The following PAQR5 variants were observed in gnomAD, a reference collection of about 807,000 sequenced individuals.
PAQR5 encodes the protein membrane progestin receptor gamma.
Under a neutral mutation model 34.5 loss-of-function variants are expected in PAQR5, and 20 were observed. The observed-to-expected ratio is 0.58, with a 90% confidence interval of 0.41 to 0.84. The LOEUF is 0.84. PAQR5 is among the 40% of genes least tolerant of loss of function. The pLI is 0.00. For synonymous variants in PAQR5, 131 were observed against 155.6 expected (o/e 0.84, Z 1.18); for missense variants, 378 against 412.7 (o/e 0.92, Z 0.73).
intron 2 of PAQR5, among the ~76,000 whole-genome samples, chr15:69,358,211 C>A (rs1337236368): frequency 6.6e-6 from 1 of 152,074 alleles, no homozygotes; most frequent in Admixed American, 6.6e-5. Context: ...GTTGCAAGGG[C>A]TCTGGGTCTC....
intron 6 of PAQR5, among the ~76,000 whole-genome samples, chr15:69,392,638 C>G (rs1170165871): frequency 2.6e-5 from 4 of 152,146 alleles, no homozygotes; most frequent in Admixed American, 2.0e-4. Flanking sequence ...ACTGCAGATG[C>G]CCCCAGAGGT....
intron 1 of PAQR5, among the ~76,000 whole-genome samples, chr15:69,309,382 G>T (rs2053782525): frequency 5.9e-5 from 9 of 152,200 alleles, no homozygotes; most frequent in Admixed American, 5.9e-4. Flanking sequence ...GGACTGAGAA[G>T]TGCCTGGGGA....
chr15:69,314,199 T>C (rs1161216522), intron 1 of PAQR5, among the ~76,000 whole-genome samples: 1 of 151,842 alleles, frequency 6.6e-6, no homozygotes. Flanking sequence ...TTTTACAAAT[T>C]GTAAGTGGAA....
chr15:69,394,857 C>T (rs1319850697), intron 6 of PAQR5, among the ~76,000 whole-genome samples: 2 of 152,248 alleles, frequency 1.3e-5, no homozygotes, highest in Non-Finnish European at 2.9e-5. Context: ...GCCCTTCTGC[C>T]TTTTTCTCTC....
chr15:69,335,976 A>G (rs1324759963), intron 1 of PAQR5, among the ~76,000 whole-genome samples: 1 of 152,310 alleles, frequency 6.6e-6, no homozygotes, highest in East Asian at 1.9e-4. Flanking sequence ...TTTTTATGTA[A>G]TGTTAAAAGA....
chr15:69,341,743 G>T (rs913776479), intron 2 of PAQR5, among the ~76,000 whole-genome samples: 1 of 151,986 alleles, frequency 6.6e-6, no homozygotes, highest in African/African-American at 2.4e-5. Context: ...TCAGGAGTTT[G>T]AGACCAGCCT....
intron 6 of PAQR5, chr15:69,391,711 C>T (rs7182493): frequency 0.068 from 31,090 of 455,674 alleles, 2,873 homozygotes; most frequent in African/African-American, 0.29. Context: ...GAGAGTACCA[C>T]AGGTTGAGGG....
At chr15:69,379,503 C>T (rs1323487323) in intron 3 of PAQR5, 1 of 985,204 alleles carries the variant, frequency 1.0e-6, no homozygotes. Flanking sequence ...CCAGCTCAGA[C>T]AGACAGCATC....
chr15:69,364,435 A>AATAT (rs775777356), intron 3 of PAQR5, among the ~76,000 whole-genome samples: 4 of 133,066 alleles, frequency 3.0e-5, no homozygotes, highest in Non-Finnish European at 4.6e-5. Flanking sequence ...AAACAAAACA[A>AATAT]ATATATATAT....
chr15:69,380,914 T>C (rs2041777847), intron 4 of PAQR5, among the ~76,000 whole-genome samples: 2 of 151,574 alleles, frequency 1.3e-5, no homozygotes, highest in African/African-American at 2.4e-5. Flanking sequence ...GTGCCATGAG[T>C]GGAGATGGGC....
chr15:69,377,494 C>G (rs1450518891), intron 3 of PAQR5, among the ~76,000 whole-genome samples: 1 of 152,226 alleles, frequency 6.6e-6, no homozygotes, highest in Non-Finnish European at 1.5e-5. Context: ...TTTTAATTAC[C>G]TAAGACCCAA....
chr15:69,349,110 G>A (rs1422070273), intron 2 of PAQR5, among the ~76,000 whole-genome samples: 2 of 151,988 alleles, frequency 1.3e-5, no homozygotes, highest in Non-Finnish European at 1.5e-5. Flanking sequence ...GGTGGACTGC[G>A]CGGGGAAAAT....
chr15:69,310,673 G>T (rs533404350), intron 1 of PAQR5, among the ~76,000 whole-genome samples: 9 of 152,154 alleles, frequency 5.9e-5, no homozygotes, highest in African/African-American at 2.2e-4. Context: ...TACATTATAC[G>T]TTTTTCCCTT....
Position 69,405,781 on chromosome 15 carries a change from T to C in PAQR5, c.*1959T>C, listed in dbSNP as rs953619948. On this transcript the variant is annotated 3_prime_UTR_variant, in exon 9 of 9. Transcript: ENST00000395407. Reference sequence around the variant, plus strand: ...TTTTAGATTATTTAATCTTTGCTTATGTTGCTTTTTCACATGCTTAATGAT... The same window carrying C: ...TTTTAGATTATTTAATCTTTGCTTACGTTGCTTTTTCACATGCTTAATGAT... The C allele has an allele frequency of 6.6e-6, 1 of 152,242 alleles. No individual in the cohort carries two copies. The highest frequency in any genetic ancestry group is 2.4e-5 in the African/African-American group (1 of 41,466). 9.4% of individuals were successfully genotyped at this position (152,242 alleles called of 1,614,324 possible).
intron 3 of PAQR5, among the ~76,000 whole-genome samples, chr15:69,365,285 T>C (rs916860374): frequency 3.3e-5 from 5 of 151,464 alleles, no homozygotes; most frequent in African/African-American, 7.3e-5. Context: ...TTTTGTATTT[T>C]TTAATAGAGA....
intron 7 of PAQR5, 35 bp from the exon 8 acceptor site, chr15:69,399,939 C>A (rs768025115): frequency 5.6e-6 from 9 of 1,600,208 alleles, no homozygotes; most frequent in Admixed American, 1.7e-5. Context: ...CAGGCCTGTC[C>A]TCTCAAGACC....
rs944049286 is a variant in PAQR5 at position 69,363,548 on chromosome 15, T to A, written c.51+3417T>A. Among the ~76,000 whole-genome samples, 126 of 102,270 alleles carry A rather than the reference T, an allele frequency of 1.2e-3. 1 individual carries two copies. Among genetic ancestry groups the A allele is most frequent in the African/African-American group, 4.7e-3 (124 of 26,328 alleles). 67.1% of individuals were successfully genotyped at this position (102,270 alleles called of 152,430 possible). ...AAATTGCTAATCTGTTTTTTGTTTT[T>A]GTTTTTTTTTTTTTTTGAGACAGAG... On this transcript the variant is annotated intron_variant, in intron 3 of 8. Coordinates refer to ENST00000395407, the MANE Select transcript of PAQR5 (RefSeq NM_017705.4).
At chr15:69,393,603 C>G (rs750816187) in intron 6 of PAQR5, among the ~76,000 whole-genome samples, 1 of 152,154 alleles carries the variant, frequency 6.6e-6, no homozygotes, top group Non-Finnish European at 1.5e-5. Context: ...CCAGGCTCCA[C>G]CCCTGCCTCT....
Position 69,379,881 on chromosome 15 carries a change from A to G in PAQR5, c.52-2A>G. Reference sequence around the variant, plus strand: ...CAGTGTCCTTTTCCTTTGCCTCTGCAGGTGTTCCATGAGCAAGGCATCCTG... The same window carrying G: ...CAGTGTCCTTTTCCTTTGCCTCTGCGGGTGTTCCATGAGCAAGGCATCCTG... On this transcript the variant is annotated splice_acceptor_variant, in intron 3 of 8. Coordinates refer to ENST00000395407, the MANE Select transcript of PAQR5 (RefSeq NM_017705.4). LOFTEE classifies it high-confidence loss of function. 5.6e-6 allele frequency: 9 copies of G among 1,613,492 alleles called. No homozygotes were observed. The highest frequency in any genetic ancestry group is 7.6e-6 in the Non-Finnish European group (9 of 1,179,844).
Sources: allele counts gnomAD v4.1 joint callset (sites outside exome capture counted in the v4.1 genomes callset), GRCh38; gene constraint gnomAD v4.1.1; transcripts MANE v1.5; gene names NCBI Gene and HGNC (gene_info 2026-07-23, HGNC 2026-07-21).